The following STPG2 variants were observed in gnomAD, a reference collection of about 807,000 sequenced individuals.
STPG2 encodes sperm-tail PG-rich repeat-containing protein 2.
In STPG2, 56 loss-of-function variants were observed where a neutral mutation model predicts 54.2. The observed-to-expected ratio is 1.03, with a 90% CI of 0.83 to 1.29. The LOEUF (loss-of-function observed/expected upper bound fraction) is 1.29. Ranked by LOEUF, STPG2 falls within the 50% of genes most tolerant of loss-of-function variation. STPG2 has a pLI of 0.00. For missense variants in STPG2, 596 were observed against 544.9 expected, an observed-to-expected ratio of 1.09 and a Z score of -0.93; for synonymous variants, 200 against 181.8, an observed-to-expected ratio of 1.10 and a Z score of -0.81.
At chr4:98,081,657 T>C (rs892222981) in intron 5 of STPG2, among the ~76,000 whole-genome samples, 1 of 152,204 alleles carries the variant, frequency 6.6e-6, no homozygotes, top group Non-Finnish European at 1.5e-5. Flanking sequence ...GAGACATGAC[T>C]TGTGTTCATG....
chr4:98,016,768 G>C lies in STPG2; in HGVS notation c.613-35450C>G, dbSNP rs1286770989. ...CTATTCATAGATCTCCATTTCATTAGGGTTAGTTCCTGAAGCTTTATTTTA... is the reference window on the plus strand; with the variant it reads ...CTATTCATAGATCTCCATTTCATTACGGTTAGTTCCTGAAGCTTTATTTTA... On this transcript the variant is annotated intron_variant, in intron 5 of 10. Transcript: ENST00000295268. Among the ~76,000 whole-genome samples, 3 of 152,050 alleles carry C rather than the reference G, an allele frequency of 2.0e-5. No homozygotes were observed. In the East Asian group the frequency reaches 5.8e-4, roughly 29 times the overall value.
At chr4:97,591,091 C>T (rs1733133750) in intron 10 of STPG2, among the ~76,000 whole-genome samples, 1 of 151,894 alleles carries the variant, frequency 6.6e-6, no homozygotes, top group Admixed American at 6.6e-5. Flanking sequence ...TCTTCACAGA[C>T]CAACAGTAAA....
chr4:97,480,935 C>G (rs1367956992), intron 4 of STPG2, among the ~76,000 whole-genome samples: 1 of 151,368 alleles, frequency 6.6e-6, no homozygotes, highest in East Asian at 1.9e-4. Context: ...TCAAAATTAT[C>G]AACTTTTTAT....
At chr4:98,125,436 C>T (rs1578182693) in intron 3 of STPG2, among the ~76,000 whole-genome samples, 1 of 152,170 alleles carries the variant, frequency 6.6e-6, no homozygotes, top group African/African-American at 2.4e-5. Flanking sequence ...CTCTGTAGGG[C>T]TGCAGTTTTC....
Position 97,770,944 on chromosome 4 carries a change from C to T in STPG2, c.1205-58130G>A, listed in dbSNP as rs1340246487. ...TTGAGAGACCTATTAACCACCCAAA[C>T]AAAAATGTTTAATAGGCACTTAGAT... On this transcript the variant is annotated intron_variant, in intron 9 of 10. Coordinates refer to ENST00000295268, the MANE Select transcript of STPG2 (RefSeq NM_174952.3). Among the ~76,000 whole-genome samples, 4 of 152,020 alleles carry T rather than the reference C, an allele frequency of 2.6e-5. 1 individual carries two copies. The highest frequency in any genetic ancestry group is 5.9e-5 in the Non-Finnish European group (4 of 67,990).
intron 5 of STPG2, among the ~76,000 whole-genome samples, chr4:98,054,935 AC>A (rs1368564843): frequency 2.0e-5 from 3 of 152,176 alleles, no homozygotes; most frequent in African/African-American, 7.2e-5. Context: ...AGTGTATAGC[AC>A]TTAACCCTTT....
intron 8 of STPG2, among the ~76,000 whole-genome samples, chr4:97,909,676 T>G (rs1236121842): frequency 6.6e-6 from 1 of 152,218 alleles, no homozygotes; most frequent in Non-Finnish European, 1.5e-5. Context: ...TATAATTTAC[T>G]TGATAAGAGA....
At chr4:97,946,856 T>C (rs1435495078) in intron 7 of STPG2, among the ~76,000 whole-genome samples, 1 of 152,124 alleles carries the variant, frequency 6.6e-6, no homozygotes, top group Non-Finnish European at 1.5e-5. Context: ...TTTAGCTTTG[T>C]ATTGCTTTGG....
intron 9 of STPG2, among the ~76,000 whole-genome samples, chr4:97,840,300 C>T (rs1728758701): frequency 6.6e-6 from 1 of 150,840 alleles, no homozygotes; most frequent in Non-Finnish European, 1.5e-5. Flanking sequence ...TGTTTTTTTC[C>T]CTAATAGAAT....
intron 4 of STPG2, among the ~76,000 whole-genome samples, chr4:97,488,271 G>A (rs1730420175): frequency 6.6e-6 from 1 of 151,586 alleles, no homozygotes; most frequent in South Asian, 2.1e-4. Flanking sequence ...CAATAACAAA[G>A]TACTTCAGGC....
At chr4:97,996,779 T>C (rs1735255002) in intron 5 of STPG2, among the ~76,000 whole-genome samples, 1 of 151,862 alleles carries the variant, frequency 6.6e-6, no homozygotes. Context: ...AAATAGGCAA[T>C]GAACAGACAT....
At chr4:97,448,904 AAAG>A (rs1323157751) in intron 4 of STPG2, among the ~76,000 whole-genome samples, 3 of 152,188 alleles carry the variant, frequency 2.0e-5, no homozygotes, top group Non-Finnish European at 4.4e-5. Context: ...GATATTAAAA[AAAG>A]AATAGCATAT....
chr4:98,040,380 T>C (rs1736912629), intron 5 of STPG2, among the ~76,000 whole-genome samples: 2 of 151,942 alleles, frequency 1.3e-5, no homozygotes, highest in South Asian at 4.1e-4. Context: ...GTCTTAGTCA[T>C]AAATTCTTTG....
chr4:97,676,934 C>T (rs577883524), intron 10 of STPG2, among the ~76,000 whole-genome samples: 231 of 152,238 alleles, frequency 1.5e-3, no homozygotes, highest in African/African-American at 5.4e-3. Context: ...TATCTTAGTA[C>T]TTTTATCAGA....
At chr4:97,923,970 T>C (rs991550230) in intron 8 of STPG2, among the ~76,000 whole-genome samples, 34 of 152,210 alleles carry the variant, frequency 2.2e-4, no homozygotes, top group Admixed American at 1.2e-3. Flanking sequence ...AAAAGCAGGC[T>C]GCCTGAGCCA....
chr4:97,802,469 A>G (rs989913485), intron 9 of STPG2, among the ~76,000 whole-genome samples: 1 of 151,946 alleles, frequency 6.6e-6, no homozygotes, highest in African/African-American at 2.4e-5. Context: ...TATATATATG[A>G]AGTTAAATAT....
chr4:97,505,230 T>C (rs948871997), intron 4 of STPG2, among the ~76,000 whole-genome samples: 2 of 151,966 alleles, frequency 1.3e-5, no homozygotes, highest in South Asian at 2.1e-4. Flanking sequence ...GGAAAATCCT[T>C]GTGTTTAAAA....
At chr4:97,678,100 AT>A (rs1368375755) in intron 10 of STPG2, among the ~76,000 whole-genome samples, 4 of 152,078 alleles carry the variant, frequency 2.6e-5, no homozygotes, top group African/African-American at 7.2e-5. Flanking sequence ...AAAAAAAAAA[AT>A]AAATGAAATT....
At chr4:97,569,903 T>C (rs1164310763) in intron 10 of STPG2, among the ~76,000 whole-genome samples, 1 of 152,080 alleles carries the variant, frequency 6.6e-6, no homozygotes, top group East Asian at 1.9e-4. Context: ...TGAAAATTAA[T>C]CTCATCAAAA....
Sources: gnomAD v4.1 joint callset for allele counts (sites outside exome capture counted in the v4.1 genomes callset) on GRCh38, gnomAD v4.1.1 for gene constraint, MANE v1.5 for transcripts, NCBI Gene and HGNC (gene_info 2026-07-23, HGNC 2026-07-21) for gene names.